CHN1: variants seen among roughly 807,000 people sequenced by gnomAD.
CHN1 encodes chimerin 1, also known as N-chimaerin.
Under a neutral mutation model 59.5 loss-of-function variants are expected in CHN1, and 37 were observed. The observed-to-expected ratio is 0.62, with a 90% CI of 0.48 to 0.82. CHN1 has a LOEUF of 0.82. Among genes scored for constraint, CHN1 ranks in the 40% least tolerant of loss-of-function variants. The probability of loss-of-function intolerance (pLI) is 0.00; values close to 1 mark genes in which losing one functional copy is unlikely to be tolerated. For missense variants in CHN1, 469 were observed against 571.0 expected, an observed-to-expected ratio of 0.82 and a Z score of 1.82; for synonymous variants, 206 against 200.4, an observed-to-expected ratio of 1.03 and a Z score of -0.24.
chr2:174,944,461 T>C (rs1409677194), intron 3 of CHN1, among the ~76,000 whole-genome samples: 1 of 152,218 alleles, frequency 6.6e-6, no homozygotes, highest in Non-Finnish European at 1.5e-5. Flanking sequence ...TTTACATATA[T>C]TGTCATACAT....
intron 1 of CHN1, among the ~76,000 whole-genome samples, chr2:174,978,485 CG>C (rs1268950960): frequency 6.6e-6 from 1 of 152,192 alleles, no homozygotes; most frequent in Non-Finnish European, 1.5e-5. Flanking sequence ...TGAGTGACTG[CG>C]TAGGTCACAT....
At chr2:174,832,312 T>C (rs74926783) in intron 7 of CHN1, among the ~76,000 whole-genome samples, 14 of 152,206 alleles carry the variant, frequency 9.2e-5, no homozygotes, top group Non-Finnish European at 1.3e-4. Flanking sequence ...CACTGATTGC[T>C]GCTCTTACCT....
chr2:174,978,044 C>A (rs540782454), intron 1 of CHN1, among the ~76,000 whole-genome samples: 1 of 152,126 alleles, frequency 6.6e-6, no homozygotes, highest in Admixed American at 6.5e-5. Flanking sequence ...TAGAACTGTT[C>A]AAAAAAGAAA....
chr2:174,891,801 C>T (rs945772598), intron 5 of CHN1, among the ~76,000 whole-genome samples: 2 of 151,450 alleles, frequency 1.3e-5, no homozygotes, highest in Non-Finnish European at 2.9e-5. Flanking sequence ...AAAATAGACA[C>T]TAGAAAAACA....
At chr2:174,805,348 C>CT (rs1284621506) in intron 11 of CHN1, among the ~76,000 whole-genome samples, 25 of 152,224 alleles carry the variant, frequency 1.6e-4, no homozygotes, top group African/African-American at 6.0e-4. Context: ...TGTGCAAACT[C>CT]TAACATCCTA....
intron 3 of CHN1, among the ~76,000 whole-genome samples, chr2:174,940,031 ATTTAT>A (rs1689611208): frequency 6.6e-6 from 1 of 150,900 alleles, no homozygotes; most frequent in Non-Finnish European, 1.5e-5. Context: ...ATTTTATTTT[ATTTAT>A]TTATTTATTT....
chr2:174,929,086 C>A (rs1410874109), intron 3 of CHN1, among the ~76,000 whole-genome samples: 1 of 152,206 alleles, frequency 6.6e-6, no homozygotes, highest in Non-Finnish European at 1.5e-5. Context: ...AGATACCTGC[C>A]TTCCTACCCA....
intron 11 of CHN1, among the ~76,000 whole-genome samples, chr2:174,806,518 C>T (rs1377354245): frequency 2.0e-5 from 3 of 152,152 alleles, no homozygotes; most frequent in Non-Finnish European, 4.4e-5. Flanking sequence ...TCCTTCTTCC[C>T]TTGTGTAAGT....
intron 7 of CHN1, among the ~76,000 whole-genome samples, chr2:174,835,010 G>C (rs934163585): frequency 3.3e-5 from 5 of 152,168 alleles, no homozygotes; most frequent in African/African-American, 1.2e-4. Flanking sequence ...TTCTTAGGCT[G>C]AGGCAAAGTA....
chr2:174,871,573 T>C (rs1687408771), intron 6 of CHN1, among the ~76,000 whole-genome samples: 2 of 152,180 alleles, frequency 1.3e-5, no homozygotes, highest in South Asian at 2.1e-4. Context: ...GAATCTCATA[T>C]TAATTTCTTA....
chr2:174,844,085 T>C (rs578122926), intron 7 of CHN1, among the ~76,000 whole-genome samples: 3 of 152,202 alleles, frequency 2.0e-5, no homozygotes, highest in South Asian at 2.1e-4. Flanking sequence ...AGATAACTTA[T>C]AGTGTAATAG....
At chr2:174,974,254 CA>C (rs1245687115) in intron 1 of CHN1, among the ~76,000 whole-genome samples, 1 of 152,150 alleles carries the variant, frequency 6.6e-6, no homozygotes, top group Non-Finnish European at 1.5e-5. Flanking sequence ...ATTTGTTATT[CA>C]AAAAGCAGAC....
chr2:175,002,697 T>C (rs1021079975), intron 1 of CHN1, among the ~76,000 whole-genome samples: 2 of 152,192 alleles, frequency 1.3e-5, no homozygotes, highest in Non-Finnish European at 2.9e-5. Context: ...GTCGTTACTC[T>C]GGGGAGCCTC....
intron 10 of CHN1, 129 bp downstream of exon 10, chr2:174,811,382 G>C (rs775537211): frequency 3.4e-6 from 2 of 583,066 alleles, no homozygotes; most frequent in Admixed American, 3.4e-5. Context: ...TATAAGCTAA[G>C]TTTTTTAATT....
intron 6 of CHN1, among the ~76,000 whole-genome samples, chr2:174,867,742 C>T (rs985377592): frequency 6.6e-6 from 1 of 152,054 alleles, no homozygotes; most frequent in Non-Finnish European, 1.5e-5. Flanking sequence ...TATACATTCA[C>T]ATGGAAAGAT....
rs369575810 is a variant in CHN1 at position 174,927,609 on chromosome 2, A to C, written c.115-9044T>G. On this transcript the variant is annotated intron_variant, in intron 3 of 12. Coordinates refer to ENST00000409900, the MANE Select transcript of CHN1 (RefSeq NM_001822.7). ...TTCCTGATTATTTCTTTTAGTAAGGAAACTTTTCCATGGCTACAGTTCAAG... is the reference window on the plus strand; with the variant it reads ...TTCCTGATTATTTCTTTTAGTAAGGCAACTTTTCCATGGCTACAGTTCAAG... Among the ~76,000 whole-genome samples the C allele has an allele frequency of 2.6e-5, 4 of 152,222 alleles. No homozygotes were observed. The East Asian group carries it at 7.7e-4, about 29-fold the overall frequency.
chr2:174,846,316 T>A (rs1047776081), intron 7 of CHN1: 2 of 1,548,642 alleles, frequency 1.3e-6, no homozygotes, highest in Non-Finnish European at 1.7e-6. Context: ...TACGCATACA[T>A]GGTGAAAGCA....
rs1684655029 is a variant in CHN1, at chr2:174,799,790, T to C, written c.*326A>G. 1.8e-6 allele frequency: 1 copy of C among 544,614 alleles called. No homozygotes were observed. The highest frequency in any genetic ancestry group is 3.5e-6 in the Non-Finnish European group (1 of 283,826). 33.7% of individuals were successfully genotyped at this position (544,614 alleles called of 1,614,324 possible). ...AACATGCTGGATTACAAGCACAGAC[T>C]ACCCAGGACGCAGAGGCGGTGCAGG... On this transcript the variant is annotated 3_prime_UTR_variant, in exon 13 of 13. Coordinates refer to ENST00000409900, the MANE Select transcript of CHN1 (RefSeq NM_001822.7).
intron 1 of CHN1, among the ~76,000 whole-genome samples, chr2:175,002,708 A>C (rs1032131822): frequency 2.0e-5 from 3 of 152,202 alleles, no homozygotes; most frequent in African/African-American, 7.2e-5. Flanking sequence ...GGGGAGCCTC[A>C]GGTATAAACT....
Sources: allele counts gnomAD v4.1 joint callset (sites outside exome capture counted in the v4.1 genomes callset), GRCh38; gene constraint gnomAD v4.1.1; transcripts MANE v1.5; gene names NCBI Gene and HGNC (gene_info 2026-07-23, HGNC 2026-07-21).